The following LRRC4C variants were observed in gnomAD, a reference collection of about 807,000 sequenced individuals.
The protein encoded by LRRC4C is leucine rich repeat containing 4C.
In LRRC4C, 5 loss-of-function variants were observed where a neutral mutation model predicts 33.6. That is an observed-to-expected ratio of 0.15 (90% confidence interval 0.08 to 0.31). The LOEUF is 0.31. Ranked by LOEUF, LRRC4C falls within the 10% of genes least tolerant of loss-of-function variation. LRRC4C has a pLI of 1.00. For missense variants in LRRC4C, 560 were observed against 796.7 expected (o/e 0.70, Z 3.58); for synonymous variants, 329 against 302.0 (o/e 1.09, Z -0.93).
At chr11:41,373,066 T>G (rs536401992) in intron 1 of LRRC4C, among the ~76,000 whole-genome samples, 1 of 152,124 alleles carries the variant, frequency 6.6e-6, no homozygotes, top group Non-Finnish European at 1.5e-5. Flanking sequence ...GAAAACCTAA[T>G]AACTTCTTAT....
intron 1 of LRRC4C, among the ~76,000 whole-genome samples, chr11:41,067,744 A>G (rs1266231305): frequency 1.3e-5 from 2 of 152,234 alleles, no homozygotes; most frequent in African/African-American, 2.4e-5. Flanking sequence ...ACTCAGGATT[A>G]AGAAACTCAC....
intron 3 of LRRC4C, among the ~76,000 whole-genome samples, chr11:40,608,265 G>C (rs1960840525): frequency 6.6e-6 from 1 of 152,118 alleles, no homozygotes; most frequent in Admixed American, 6.5e-5. Context: ...GAAAGTAAAA[G>C]TGTAGAGTGC....
At chr11:41,218,060 A>G (rs1947137860) in intron 1 of LRRC4C, among the ~76,000 whole-genome samples, 1 of 152,056 alleles carries the variant, frequency 6.6e-6, no homozygotes, top group African/African-American at 2.4e-5. Context: ...CCATAGGTCT[A>G]CACATACGGC....
Position 40,595,618 on chromosome 11 carries a change from T to C in LRRC4C, c.-270+52524A>G, listed in dbSNP as rs140279324. 3.3e-5 allele frequency among the ~76,000 whole-genome samples: 5 copies of C among 152,272 alleles called. No homozygotes were observed. In the South Asian group the frequency reaches 6.2e-4, roughly 19 times the overall value. ...TCATCTTTGTGGTATTTTCGTAATA[T>C]ATTAGGCCAATATATTTTGAAATAT... On this transcript the variant is annotated intron_variant, in intron 3 of 6. Transcript: ENST00000528697.
intron 1 of LRRC4C, among the ~76,000 whole-genome samples, chr11:41,242,029 C>T (rs2136557310): frequency 6.6e-6 from 1 of 152,152 alleles, no homozygotes; most frequent in South Asian, 2.1e-4. Flanking sequence ...TTGTCTAGTC[C>T]TAAACAAAAT....
chr11:40,705,047 AAC>A (rs1291363634), intron 2 of LRRC4C, among the ~76,000 whole-genome samples: 1 of 152,010 alleles, frequency 6.6e-6, no homozygotes, highest in East Asian at 1.9e-4. Context: ...CACACACACA[AAC>A]ACATTATGTG....
Position 40,957,458 on chromosome 11 carries a change from G to C in LRRC4C, c.-495-23735C>G, listed in dbSNP as rs148245260. On this transcript the variant is annotated intron_variant, in intron 1 of 6. Transcript: ENST00000528697. ...TATTTCTCTCTTTCCATCACCCACT[G>C]TCTCCCTCTTTTTGATTCTCTTTTT... 2.8e-4 allele frequency among the ~76,000 whole-genome samples: 42 copies of C among 151,636 alleles called. No homozygotes were observed. The East Asian group carries it at 8.2e-3, about 30-fold the overall frequency.
intron 2 of LRRC4C, among the ~76,000 whole-genome samples, chr11:40,906,966 A>G (rs892949855): frequency 1.3e-5 from 2 of 152,176 alleles, no homozygotes; most frequent in African/African-American, 4.8e-5. Context: ...AGTTACATAT[A>G]TTGTATGGCA....
chr11:40,127,094 T>A (rs1016131303), intron 6 of LRRC4C, among the ~76,000 whole-genome samples: 9 of 151,650 alleles, frequency 5.9e-5, no homozygotes, highest in Non-Finnish European at 1.2e-4. Context: ...CTGGTGAACA[T>A]GGTGAAACCC....
At chr11:40,989,047 G>A (rs1853308362) in intron 1 of LRRC4C, among the ~76,000 whole-genome samples, 1 of 151,906 alleles carries the variant, frequency 6.6e-6, no homozygotes. Context: ...GGGTATTCAC[G>A]ACATACTGGC....
intron 3 of LRRC4C, among the ~76,000 whole-genome samples, chr11:40,603,050 T>A (rs775930898): frequency 3.3e-5 from 5 of 152,074 alleles, no homozygotes; most frequent in Non-Finnish European, 7.4e-5. Flanking sequence ...ATCTTGTACC[T>A]GAGTCACAAA....
chr11:41,035,629 A>G (rs1345091828), intron 1 of LRRC4C, among the ~76,000 whole-genome samples: 2 of 152,140 alleles, frequency 1.3e-5, no homozygotes, highest in African/African-American at 2.4e-5. Flanking sequence ...GTGAAGCAGG[A>G]TGAATAGACA....
At chr11:40,395,386 G>A (rs1374165856) in intron 3 of LRRC4C, among the ~76,000 whole-genome samples, 1 of 152,002 alleles carries the variant, frequency 6.6e-6, no homozygotes, top group East Asian at 1.9e-4. Context: ...CCTTCTGGGT[G>A]GCATGCCCTA....
intron 1 of LRRC4C, among the ~76,000 whole-genome samples, chr11:41,440,625 T>C (rs1955586523): frequency 6.6e-6 from 1 of 152,170 alleles, no homozygotes; most frequent in African/African-American, 2.4e-5. Flanking sequence ...GGTTTGGTTC[T>C]ATGTCCCCAC....
intron 1 of LRRC4C, among the ~76,000 whole-genome samples, chr11:41,369,312 T>C (rs1168114098): frequency 6.6e-6 from 1 of 152,054 alleles, no homozygotes; most frequent in Non-Finnish European, 1.5e-5. Context: ...AGAAAGATGT[T>C]AAAAGAGTAA....
chr11:40,809,262 A>G (rs1208760947), intron 2 of LRRC4C, among the ~76,000 whole-genome samples: 2 of 152,136 alleles, frequency 1.3e-5, no homozygotes, highest in Non-Finnish European at 2.9e-5. Flanking sequence ...TGTCAAAATC[A>G]AGAATGAACT....
intron 3 of LRRC4C, among the ~76,000 whole-genome samples, chr11:40,590,750 G>A (rs1321939396): frequency 1.4e-5 from 2 of 139,938 alleles, no homozygotes; most frequent in Admixed American, 7.3e-5. Context: ...TGAGGTGTCA[G>A]TGTGCCCCTG....
intron 2 of LRRC4C, among the ~76,000 whole-genome samples, chr11:40,707,488 T>C (rs928376871): frequency 1.3e-5 from 2 of 152,176 alleles, no homozygotes; most frequent in African/African-American, 4.8e-5. Flanking sequence ...TTGTCTTTGG[T>C]TTTGTTTATG....
chr11:41,151,550 A>G (rs1320777181), intron 1 of LRRC4C, among the ~76,000 whole-genome samples: 1 of 152,206 alleles, frequency 6.6e-6, no homozygotes, highest in Admixed American at 6.5e-5. Context: ...GTGAGAGAAC[A>G]TTGATCTACA....
Sources: allele counts gnomAD v4.1 joint callset (sites outside exome capture counted in the v4.1 genomes callset), GRCh38; gene constraint gnomAD v4.1.1; transcripts MANE v1.5; gene names NCBI Gene and HGNC (gene_info 2026-07-23, HGNC 2026-07-21).